Variants in PPIL3 observed in about 807,000 individuals in gnomAD.
The protein encoded by PPIL3 is peptidyl-prolyl cis-trans isomerase-like 3.
PPIL3 carries 13 observed loss-of-function variants against 20.9 expected under a neutral mutation model. The ratio of observed to expected loss-of-function variants is 0.62; its 90% confidence interval spans 0.40 to 0.99. PPIL3 has a LOEUF of 0.99. Among genes scored for constraint, PPIL3 ranks in the 50% least tolerant of loss-of-function variants. PPIL3 has a pLI of 0.00. For missense variants in PPIL3, 170 were observed against 195.2 expected, an observed-to-expected ratio of 0.87 and a Z score of 0.77; for synonymous variants, 71 against 64.4, an observed-to-expected ratio of 1.10 and a Z score of -0.49.
intron 6 of PPIL3, among the ~76,000 whole-genome samples, chr2:200,872,160 C>A (rs1343774533): frequency 2.0e-5 from 3 of 152,082 alleles, no homozygotes; most frequent in Non-Finnish European, 4.4e-5. Flanking sequence ...ATTTTTCATG[C>A]CCCCCAGCTC....
chr2:200,876,086 T>C (rs1483664445), intron 6 of PPIL3, among the ~76,000 whole-genome samples: 1 of 151,666 alleles, frequency 6.6e-6, no homozygotes, highest in East Asian at 1.9e-4. Flanking sequence ...TTAATGAAAA[T>C]GGACCAGCCT....
chr2:200,873,269 T>G (rs1002243435), intron 6 of PPIL3, among the ~76,000 whole-genome samples: 6 of 151,270 alleles, frequency 4.0e-5, no homozygotes, highest in Non-Finnish European at 8.8e-5. Context: ...TCTCGACTCA[T>G]TGTAGCCTCT....
rs1192203709 is a variant in PPIL3 at position 200,885,735 on chromosome 2, A to G, written c.41T>C (p.Ile14Thr). 1.3e-6 allele frequency: 2 copies of G among 1,593,954 alleles called. No homozygotes were observed. Among genetic ancestry groups the G allele is most frequent in the Non-Finnish European group, 1.7e-6 (2 of 1,163,936 alleles). The change falls in exon 3 of 7, where the codon ATT becomes ACT. Residue 14 changes from isoleucine to threonine, a missense_variant. Physicochemically the swap from Ile to Thr is moderately conservative, Grantham distance 89. Coordinates refer to ENST00000392283, the MANE Select transcript of PPIL3 (RefSeq NM_130906.3). Reference sequence around the variant, plus strand: ...GGGTGTCCTCTCACAGAAGACTTCAATTTTAATATCACCTACATCTGTATG... The same window carrying G: ...GGGTGTCCTCTCACAGAAGACTTCAGTTTTAATATCACCTACATCTGTATG... ...TLHTDVGDIK[I>T]EVFCERTPKT...
intron 5 of PPIL3, among the ~76,000 whole-genome samples, chr2:200,879,702 T>G (rs1426156102): frequency 6.6e-6 from 1 of 152,096 alleles, no homozygotes. Flanking sequence ...GGCACGGTGG[T>G]GCACTCCTGT....
At chr2:200,881,712 T>G (rs977512467) in intron 4 of PPIL3, 3 of 481,796 alleles carry the variant, frequency 6.2e-6, no homozygotes, top group Non-Finnish European at 1.1e-5. Flanking sequence ...TGTTCATATA[T>G]ATTTAAGTAT....
chr2:200,877,921 T>C (rs914877827), intron 5 of PPIL3, among the ~76,000 whole-genome samples: 2 of 152,136 alleles, frequency 1.3e-5, no homozygotes, highest in African/African-American at 4.8e-5. Flanking sequence ...TGTATAGAAA[T>C]TAAAAGGACC....
intron 5 of PPIL3, among the ~76,000 whole-genome samples, chr2:200,879,294 ATTT>A (rs573535875): frequency 6.8e-6 from 1 of 146,636 alleles, no homozygotes; most frequent in Admixed American, 6.7e-5. Context: ...AATTTTTTGT[ATTT>A]TTTGGCAGAG....
At chr2:200,881,768 C>A (rs2039736175) in intron 4 of PPIL3, 1 of 415,842 alleles carries the variant, frequency 2.4e-6, no homozygotes, top group African/African-American at 2.0e-5. Context: ...AGGGGCCACA[C>A]TAATCTTCTC....
chr2:200,888,223 G>A (rs1307122442), intron 1 of PPIL3: 2 of 151,886 alleles, frequency 1.3e-5, no homozygotes, highest in African/African-American at 4.8e-5. Flanking sequence ...CTTCCCTTAG[G>A]GTCCAGGCAT....
rs373190942 is a variant in PPIL3, at chr2:200,885,741, A to G, written c.35T>C (p.Ile12Thr). The G allele has an allele frequency of 1.9e-5, 31 of 1,594,950 alleles. No homozygotes were observed. The highest frequency in any genetic ancestry group is 2.4e-5 in the Non-Finnish European group (28 of 1,164,742). Residue 12 changes from isoleucine to threonine, a missense_variant, in exon 3 of 7, where the codon ATT becomes ACT. Ile to Thr is a moderately conservative substitution (Grantham distance 89, BLOSUM62 -1). Transcript: ENST00000392283. ...SVTLHTDVGD[I>T]KIEVFCERTP... Reference sequence around the variant, plus strand: ...CCTCTCACAGAAGACTTCAATTTTAATATCACCTACATCTGTATGCAGTGT... The same window carrying G: ...CCTCTCACAGAAGACTTCAATTTTAGTATCACCTACATCTGTATGCAGTGT...
In PPIL3 at chr2:200,887,304, T is replaced by C. The variant is rs534697238; in HGVS notation, c.3+309A>G. On this transcript the variant is annotated intron_variant, in intron 2 of 6. Coordinates refer to ENST00000392283, the MANE Select transcript of PPIL3 (RefSeq NM_130906.3). ...GGGAGGCTAAGGCAGGAGAATCGCT[T>C]GAACCCAGGGGCAGAGGCTGCAGTG... is the stretch of plus-strand genomic sequence containing the variant. 9.0e-4 allele frequency among the ~76,000 whole-genome samples: 133 copies of C among 147,536 alleles called. 1 individual carries two copies. Among genetic ancestry groups the C allele is most frequent in the African/African-American group, 3.3e-3 (129 of 39,640 alleles).
intron 5 of PPIL3, 36 bp downstream of exon 5, chr2:200,881,385 C>A: frequency 1.3e-6 from 2 of 1,527,132 alleles, no homozygotes; most frequent in Non-Finnish European, 1.8e-6. Flanking sequence ...ATAACCAAGG[C>A]ATGAGAAATA....
chr2:200,881,589 A>C, intron 4 of PPIL3, 101 bp from the exon 5 acceptor site: 5 of 928,354 alleles, frequency 5.4e-6, no homozygotes, highest in Non-Finnish European at 8.1e-6. Context: ...GACTGCTTAA[A>C]TATAGATAAA....
At chr2:200,872,857 C>T (rs2039362610) in intron 6 of PPIL3, among the ~76,000 whole-genome samples, 1 of 151,282 alleles carries the variant, frequency 6.6e-6, no homozygotes, top group Non-Finnish European at 1.5e-5. Context: ...AAGTAGGTGA[C>T]CACTCCACTT....
At chr2:200,875,599 A>G (rs1444569072) in intron 6 of PPIL3, among the ~76,000 whole-genome samples, 1 of 150,402 alleles carries the variant, frequency 6.6e-6, no homozygotes, top group African/African-American at 2.4e-5. Flanking sequence ...TTTTAGAGAT[A>G]GGGTATCATT....
chr2:200,887,588 T>TA, intron 2 of PPIL3, 25 bp downstream of exon 2: 1 of 1,557,022 alleles, frequency 6.4e-7, no homozygotes, highest in Non-Finnish European at 8.8e-7. Context: ...TGAAAGACAT[T>TA]AGATAAAAAT....
At chr2:200,878,991 T>C (rs1477388150) in intron 5 of PPIL3, among the ~76,000 whole-genome samples, 2 of 152,220 alleles carry the variant, frequency 1.3e-5, no homozygotes, top group East Asian at 1.9e-4. Flanking sequence ...AGAACACTCC[T>C]GTACATGTCT....
intron 5 of PPIL3, among the ~76,000 whole-genome samples, chr2:200,879,929 A>T (rs2039660151): frequency 6.6e-6 from 1 of 152,226 alleles, no homozygotes; most frequent in Non-Finnish European, 1.5e-5. Flanking sequence ...ATTAATACCT[A>T]AAAAATTGTT....
chr2:200,885,295 C>G (rs940723422), intron 3 of PPIL3: 3 of 348,724 alleles, frequency 8.6e-6, no homozygotes, highest in Non-Finnish European at 1.5e-5. Flanking sequence ...TGCTTGAACC[C>G]AGGAGGCGGA....
Sources: gnomAD v4.1 joint callset for allele counts (sites outside exome capture counted in the v4.1 genomes callset) on GRCh38, gnomAD v4.1.1 for gene constraint, MANE v1.5 for transcripts, NCBI Gene and HGNC (gene_info 2026-07-23, HGNC 2026-07-21) for gene names.